The following MAST4 variants were observed in gnomAD, a reference collection of about 807,000 sequenced individuals.
The protein encoded by MAST4 is microtubule associated serine/threonine kinase family member 4, also known as microtubule-associated serine/threonine-protein kinase 4.
Under a neutral mutation model 162.7 loss-of-function variants are expected in MAST4, and 89 were observed. That is an observed-to-expected ratio of 0.55 (90% confidence interval 0.46 to 0.65). MAST4 has a LOEUF of 0.65. Among genes scored for constraint, MAST4 ranks in the 30% least tolerant of loss-of-function variants. The pLI is 0.00. For synonymous variants in MAST4, 1,479 were observed against 1,361.1 expected, an observed-to-expected ratio of 1.09 and a Z score of -1.91; for missense variants, 3,153 against 3,374.0, an observed-to-expected ratio of 0.93 and a Z score of 1.62.
In MAST4 at chr5:67,114,117, T is replaced by C. The variant is rs757819811; in HGVS notation, c.1489T>C (p.Leu497=). The C allele has an allele frequency of 5.0e-6, 8 of 1,613,780 alleles. No individual in the cohort carries two copies. The East Asian group carries it at 1.6e-4, about 31-fold the overall frequency. Residue 497 remains leucine (L), a synonymous_variant, in exon 12 of 29, where the codon TTG becomes CTG. Transcript: ENST00000403625. ...TGATCCGGAAGAATTTTACTACCTA[T>C]TGGAAGCAGCAGAAGGCCATGCCAA... is the stretch of plus-strand genomic sequence containing the variant. The part of the protein sequence containing the change: ...EFDPEEFYYL[L]EAAEGHAKEG...
intron 1 of MAST4, among the ~76,000 whole-genome samples, chr5:66,608,816 G>C (rs561380520): frequency 6.7e-6 from 1 of 149,074 alleles, no homozygotes; most frequent in Non-Finnish European, 1.5e-5. Flanking sequence ...GCGGGGGGCG[G>C]GGGGGAGAAC....
intron 2 of MAST4, among the ~76,000 whole-genome samples, chr5:66,772,726 C>A (rs1210060676): frequency 6.6e-6 from 1 of 152,206 alleles, no homozygotes; most frequent in Non-Finnish European, 1.5e-5. Flanking sequence ...AACTGGAGAT[C>A]TGAGGCCCAG....
At chr5:67,097,351 A>G (rs997829390) in intron 7 of MAST4, among the ~76,000 whole-genome samples, 2 of 152,098 alleles carry the variant, frequency 1.3e-5, no homozygotes, top group East Asian at 3.8e-4. Flanking sequence ...ATCCCCTATC[A>G]TGTAATTGCT....
intron 26 of MAST4, among the ~76,000 whole-genome samples, chr5:67,157,104 A>T (rs1772628085): frequency 6.6e-6 from 1 of 152,234 alleles, no homozygotes; most frequent in Non-Finnish European, 1.5e-5. Flanking sequence ...ATTGTGGGTA[A>T]ATCGACCTAG....
At chr5:67,159,116 T>G (rs1772890872) in intron 26 of MAST4, among the ~76,000 whole-genome samples, 1 of 152,166 alleles carries the variant, frequency 6.6e-6, no homozygotes, top group African/African-American at 2.4e-5. Flanking sequence ...GATATATTGC[T>G]CAGCCAGTAA....
intron 1 of MAST4, among the ~76,000 whole-genome samples, chr5:66,710,085 G>T (rs182125573): frequency 1.3e-5 from 2 of 152,202 alleles, no homozygotes; most frequent in African/African-American, 2.4e-5. Flanking sequence ...GCCATCTTTG[G>T]AGTTGGTGTG....
intron 1 of MAST4, among the ~76,000 whole-genome samples, chr5:66,748,651 A>G (rs1304106716): frequency 1.3e-5 from 2 of 151,506 alleles, no homozygotes; most frequent in East Asian, 2.0e-4. Flanking sequence ...AACCACACCC[A>G]GCTAATTTTT....
chr5:66,683,390 G>C (rs919441409), intron 1 of MAST4, among the ~76,000 whole-genome samples: 7 of 152,086 alleles, frequency 4.6e-5, no homozygotes, highest in Admixed American at 4.6e-4. Context: ...GTATTTAAAA[G>C]GTACATGTAG....
At chr5:66,797,117 G>C (rs1755688145) in intron 3 of MAST4, among the ~76,000 whole-genome samples, 1 of 152,200 alleles carries the variant, frequency 6.6e-6, no homozygotes, top group African/African-American at 2.4e-5. Context: ...GACTGCTGGG[G>C]TGGCACAGCT....
intron 1 of MAST4, among the ~76,000 whole-genome samples, chr5:66,620,956 G>A (rs10940072): frequency 0.38 from 57,277 of 151,830 alleles, 11,075 homozygotes; most frequent in East Asian, 0.6. Context: ...GAGAAAGGGA[G>A]ACAAGTATAG....
chr5:67,030,296 G>C (rs925083075), intron 4 of MAST4, among the ~76,000 whole-genome samples: 1 of 152,094 alleles, frequency 6.6e-6, no homozygotes, highest in African/African-American at 2.4e-5. Flanking sequence ...TTGTTTTATA[G>C]TGTTACAAGC....
At chr5:66,874,112 A>G (rs1761131723) in intron 3 of MAST4, among the ~76,000 whole-genome samples, 1 of 152,190 alleles carries the variant, frequency 6.6e-6, no homozygotes, top group Non-Finnish European at 1.5e-5. Context: ...AAAGATAAGT[A>G]TTGTGCCTCT....
At chr5:66,877,371 C>G (rs572039546) in intron 3 of MAST4, among the ~76,000 whole-genome samples, 1 of 152,332 alleles carries the variant, frequency 6.6e-6, no homozygotes, top group South Asian at 2.1e-4. Context: ...ATCTGTACAG[C>G]AACCTGAGGA....
chr5:66,602,035 C>T (rs62362264), intron 1 of MAST4, among the ~76,000 whole-genome samples: 5,777 of 152,178 alleles, frequency 0.038, 143 homozygotes, highest in Non-Finnish European at 0.048. Context: ...ATATGAAATA[C>T]GTGTGAAATA....
chr5:66,849,062 A>G (rs943255751), intron 3 of MAST4, among the ~76,000 whole-genome samples: 3 of 152,174 alleles, frequency 2.0e-5, no homozygotes, highest in Non-Finnish European at 4.4e-5. Flanking sequence ...GACTCTCAAT[A>G]TCCCCATTAT....
At position 67,016,731 on chromosome 5, in the gene MAST4, C is replaced by T. The variant is rs114027893; in HGVS notation, c.675-37673C>T. On this transcript the variant is annotated intron_variant, in intron 4 of 28. Transcript: ENST00000403625. ...CTCTGCACAGCTGCTGTCTTCCAGG[C>T]CTTTGAATGATTAACACCCCATGCA... 3.3e-3 allele frequency among the ~76,000 whole-genome samples: 499 copies of T among 152,156 alleles called. 4 individuals carry two copies. The highest frequency in any genetic ancestry group is 0.012 in the African/African-American group (480 of 41,534).
At chr5:66,689,685 T>C (rs1472023569) in intron 1 of MAST4, among the ~76,000 whole-genome samples, 3 of 152,176 alleles carry the variant, frequency 2.0e-5, no homozygotes, top group African/African-American at 7.2e-5. Flanking sequence ...AGTTTGTCTG[T>C]CCCCAGAGTT....
intron 3 of MAST4, among the ~76,000 whole-genome samples, chr5:66,885,677 C>T (rs1214852031): frequency 1.3e-5 from 2 of 152,144 alleles, no homozygotes; most frequent in Non-Finnish European, 2.9e-5. Context: ...CATTTAAAAG[C>T]ACCTGAGAGT....
At chr5:67,103,705 A>G (rs1765282633) in intron 9 of MAST4, among the ~76,000 whole-genome samples, 3 of 152,216 alleles carry the variant, frequency 2.0e-5, no homozygotes, top group Non-Finnish European at 4.4e-5. Context: ...AAGATGATAT[A>G]AGATGTGTGC....
Sources: allele counts gnomAD v4.1 joint callset (sites outside exome capture counted in the v4.1 genomes callset), GRCh38; gene constraint gnomAD v4.1.1; transcripts MANE v1.5; gene names NCBI Gene and HGNC (gene_info 2026-07-23, HGNC 2026-07-21).